PARD3B: variants seen among roughly 807,000 people sequenced by gnomAD.
PARD3B encodes the protein par-3 family cell polarity regulator beta, also known as partitioning defective 3 homolog B.
In PARD3B, 103 loss-of-function variants were observed where a neutral mutation model predicts 130.2. The observed-to-expected ratio is 0.79, with a 90% CI of 0.67 to 0.93. PARD3B has a LOEUF of 0.93. PARD3B is among the 40% of genes least tolerant of loss of function. The pLI is 0.00. For synonymous variants in PARD3B, 583 were observed against 553.2 expected, an observed-to-expected ratio of 1.05 and a Z score of -0.76; for missense variants, 1,609 against 1,499.2, an observed-to-expected ratio of 1.07 and a Z score of -1.21.
intron 3 of PARD3B, among the ~76,000 whole-genome samples, chr2:204,971,118 T>A (rs1691662006): frequency 6.6e-6 from 1 of 152,244 alleles, no homozygotes; most frequent in African/African-American, 2.4e-5. Context: ...TGATTTTGAC[T>A]AATTTACTGC....
At chr2:205,315,129 A>G (rs989477944) in intron 18 of PARD3B, among the ~76,000 whole-genome samples, 1 of 152,144 alleles carries the variant, frequency 6.6e-6, no homozygotes, top group Non-Finnish European at 1.5e-5. Flanking sequence ...TTGTTCAGTT[A>G]TTAGATATTT....
intron 18 of PARD3B, among the ~76,000 whole-genome samples, chr2:205,318,537 T>C (rs1390268515): frequency 2.0e-5 from 3 of 152,220 alleles, no homozygotes; most frequent in Non-Finnish European, 4.4e-5. Flanking sequence ...TCCTACCTTT[T>C]CATTTTAATT....
At chr2:205,378,960 A>G (rs1269456771) in intron 18 of PARD3B, among the ~76,000 whole-genome samples, 1 of 151,794 alleles carries the variant, frequency 6.6e-6, no homozygotes, top group Non-Finnish European at 1.5e-5. Context: ...TAAGGAGAAA[A>G]GAACCGTCTG....
chr2:205,038,916 C>A (rs896619351), intron 3 of PARD3B, among the ~76,000 whole-genome samples: 4 of 152,044 alleles, frequency 2.6e-5, no homozygotes, highest in African/African-American at 9.7e-5. Flanking sequence ...ACTTAGTTTC[C>A]TTAGTGTGGT....
chr2:205,304,527 C>T (rs2042121576), intron 18 of PARD3B, among the ~76,000 whole-genome samples: 1 of 151,492 alleles, frequency 6.6e-6, no homozygotes, highest in Non-Finnish European at 1.5e-5. Flanking sequence ...CCCAGCTACT[C>T]GGGAGGCTGA....
chr2:204,775,510 A>T (rs192859670), intron 2 of PARD3B, among the ~76,000 whole-genome samples: 106 of 152,232 alleles, frequency 7.0e-4, no homozygotes, highest in South Asian at 6.2e-4. Flanking sequence ...CTTTATGTAA[A>T]TGGAGCTGGA....
chr2:204,747,074 T>C (rs555218005), intron 2 of PARD3B, among the ~76,000 whole-genome samples: 7 of 152,266 alleles, frequency 4.6e-5, no homozygotes, highest in Admixed American at 3.3e-4. Flanking sequence ...CTGAATGGTA[T>C]TGCCTAGGTT....
intron 1 of PARD3B, among the ~76,000 whole-genome samples, chr2:204,625,656 G>A (rs1034018880): frequency 2.0e-5 from 3 of 152,074 alleles, no homozygotes; most frequent in African/African-American, 7.2e-5. Flanking sequence ...TTAGCTCTAG[G>A]TATATTTATA....
chr2:205,387,320 TA>T (rs2045695976), intron 18 of PARD3B, among the ~76,000 whole-genome samples: 1 of 152,232 alleles, frequency 6.6e-6, no homozygotes, highest in Admixed American at 6.5e-5. Context: ...CTCCTCCCTC[TA>T]ACTTGCTAAA....
At chr2:205,316,600 T>C (rs2042571246) in intron 18 of PARD3B, among the ~76,000 whole-genome samples, 1 of 152,156 alleles carries the variant, frequency 6.6e-6, no homozygotes, top group Non-Finnish European at 1.5e-5. Flanking sequence ...AGATGACCCA[T>C]AAATATGAAA....
chr2:204,964,773 G>C (rs1278253669), intron 2 of PARD3B, among the ~76,000 whole-genome samples: 3 of 152,060 alleles, frequency 2.0e-5, no homozygotes, highest in Non-Finnish European at 4.4e-5. Context: ...ATTATTCAAT[G>C]CATATTCAAC....
intron 2 of PARD3B, among the ~76,000 whole-genome samples, chr2:204,766,791 A>G (rs2041168771): frequency 7.5e-6 from 1 of 132,582 alleles, no homozygotes; most frequent in Non-Finnish European, 1.6e-5. Context: ...AAGTTGAAAT[A>G]TGCCCTTTTG....
Position 204,751,385 on chromosome 2 carries a change from A to C in PARD3B, c.222+65103A>C, listed in dbSNP as rs578249075. 1.6e-4 allele frequency among the ~76,000 whole-genome samples: 25 copies of C among 152,308 alleles called. No homozygotes were observed. The East Asian group carries it at 4.4e-3, about 27-fold the overall frequency. On this transcript the variant is annotated intron_variant, in intron 2 of 22. Transcript: ENST00000406610. ...TAAAACTTCTAATGGAAGGTGTTGG[A>C]TTCTCTCCTGGGGCCCTCTGGGCAG...
intron 4 of PARD3B, among the ~76,000 whole-genome samples, chr2:205,089,463 G>C (rs1194947898): frequency 2.0e-5 from 3 of 152,142 alleles, no homozygotes; most frequent in African/African-American, 7.2e-5. Flanking sequence ...CTTAATCCTT[G>C]GGCTTACTCA....
chr2:204,921,743 T>C (rs1285068367), intron 2 of PARD3B, among the ~76,000 whole-genome samples: 1 of 152,088 alleles, frequency 6.6e-6, no homozygotes, highest in Non-Finnish European at 1.5e-5. Flanking sequence ...ATTTGAATTT[T>C]AGAAAGAAAA....
chr2:204,937,985 A>T (rs1489718981), intron 2 of PARD3B, among the ~76,000 whole-genome samples: 1 of 152,214 alleles, frequency 6.6e-6, no homozygotes, highest in South Asian at 2.1e-4. Context: ...AACTTCTTGG[A>T]ATAGAGAGCA....
chr2:205,371,917 T>C (rs2044833262), intron 18 of PARD3B, among the ~76,000 whole-genome samples: 1 of 152,192 alleles, frequency 6.6e-6, no homozygotes, highest in Non-Finnish European at 1.5e-5. Flanking sequence ...CCATGGGGTC[T>C]TTGCGACTGG....
chr2:205,460,055 G>T lies in PARD3B; in HGVS notation c.3044+19383G>T, dbSNP rs976022602. 2.0e-5 allele frequency among the ~76,000 whole-genome samples: 3 copies of T among 152,052 alleles called. No individual in the cohort carries two copies. The highest frequency in any genetic ancestry group is 6.6e-5 in the Admixed American group (1 of 15,256). ...TAGATCTAAGTGTTTCAGAAACTAG[G>T]AACATTACAGTACCAGAAGACTTGG... is the stretch of plus-strand genomic sequence containing the variant. On this transcript the variant is annotated intron_variant, in intron 20 of 22. Coordinates refer to ENST00000406610, the MANE Select transcript of PARD3B (RefSeq NM_001302769.2). The surrounding 1 kb of genome is among the most constrained non-coding windows in gnomAD (Gnocchi z 4.9).
chr2:205,493,468 A>C (rs557641819), intron 20 of PARD3B, among the ~76,000 whole-genome samples: 101 of 152,256 alleles, frequency 6.6e-4, no homozygotes, highest in African/African-American at 2.4e-3. Flanking sequence ...GTATACAAAA[A>C]TTAACACCAT....
Sources: allele counts gnomAD v4.1 joint callset (sites outside exome capture counted in the v4.1 genomes callset), GRCh38; gene constraint gnomAD v4.1.1; non-coding constraint Gnocchi (gnomAD v3.1); transcripts MANE v1.5; gene names NCBI Gene and HGNC (gene_info 2026-07-23, HGNC 2026-07-21).